The following DENND1B variants were observed in gnomAD, a reference collection of about 807,000 sequenced individuals.
DENND1B encodes the protein DENN domain containing 1B.
DENND1B carries 59 observed loss-of-function variants against 90.1 expected under a neutral mutation model. The ratio of observed to expected loss-of-function variants is 0.65; its 90% confidence interval spans 0.53 to 0.81. DENND1B has a LOEUF of 0.81. DENND1B is among the 40% of genes least tolerant of loss of function. The pLI is 0.00. For missense variants in DENND1B, 862 were observed against 912.6 expected (o/e 0.94, Z 0.71); for synonymous variants, 337 against 324.6 (o/e 1.04, Z -0.41).
upstream of DENND1B, among the ~76,000 whole-genome samples, chr1:197,777,302 C>T (rs1355752730): frequency 6.6e-6 from 1 of 152,140 alleles, no homozygotes; most frequent in African/African-American, 2.4e-5. Context: ...TTTTAAATGA[C>T]AGTCATACCC....
At chr1:197,743,004 T>A (rs1239407810) in intron 2 of DENND1B, among the ~76,000 whole-genome samples, 1 of 152,162 alleles carries the variant, frequency 6.6e-6, no homozygotes, top group East Asian at 1.9e-4. Flanking sequence ...AGGAGACAAT[T>A]CCAGGGGTCT....
At chr1:197,601,524 T>C (rs1317278595) in intron 13 of DENND1B, among the ~76,000 whole-genome samples, 1 of 145,064 alleles carries the variant, frequency 6.9e-6, no homozygotes, top group Non-Finnish European at 1.5e-5. Context: ...TTACCTTTTT[T>C]AGAAAAAAAA....
intron 11 of DENND1B, among the ~76,000 whole-genome samples, chr1:197,615,318 T>C (rs1462160771): frequency 6.6e-6 from 1 of 151,102 alleles, no homozygotes; most frequent in Non-Finnish European, 1.5e-5. Context: ...CAAGGCTTTA[T>C]TGGTGGACCA....
intron 15 of DENND1B, among the ~76,000 whole-genome samples, chr1:197,579,015 A>G (rs1673956651): frequency 6.6e-6 from 1 of 152,192 alleles, no homozygotes; most frequent in Non-Finnish European, 1.5e-5. Flanking sequence ...AGTGATTCAG[A>G]TAGGTCCACC....
At chr1:197,576,467 C>A (rs1221550618) in intron 15 of DENND1B, among the ~76,000 whole-genome samples, 1 of 152,074 alleles carries the variant, frequency 6.6e-6, no homozygotes, top group African/African-American at 2.4e-5. Context: ...ACCAAGAACA[C>A]AAAGCCAAAG....
chr1:197,555,751 C>T (rs1382490473), intron 15 of DENND1B, among the ~76,000 whole-genome samples: 14 of 151,982 alleles, frequency 9.2e-5, no homozygotes, highest in Non-Finnish European at 1.0e-4. Flanking sequence ...TATACACTGT[C>T]GGTGAGAGTG....
chr1:197,735,663 C>T (rs773581888), intron 2 of DENND1B: 11 of 1,613,900 alleles, frequency 6.8e-6, no homozygotes, highest in Middle Eastern at 1.6e-4. Context: ...CGGTTTCAGC[C>T]GGTACAAGGT....
chr1:197,695,318 G>C (rs1361990424), intron 3 of DENND1B, among the ~76,000 whole-genome samples: 1 of 150,802 alleles, frequency 6.6e-6, no homozygotes, highest in Non-Finnish European at 1.5e-5. Context: ...TATTGGTATA[G>C]TGGTTATACC....
intron 20 of DENND1B, among the ~76,000 whole-genome samples, chr1:197,524,236 T>C (rs1464551214): frequency 6.6e-6 from 1 of 152,136 alleles, no homozygotes; most frequent in African/African-American, 2.4e-5. Context: ...TAATTTTTTT[T>C]TGGTATGTTG....
intron 2 of DENND1B, among the ~76,000 whole-genome samples, chr1:197,726,482 C>T (rs1010549901): frequency 6.6e-6 from 1 of 152,152 alleles, no homozygotes; most frequent in Non-Finnish European, 1.5e-5. Context: ...ATACTTCAAA[C>T]AATGGGCTAA....
chr1:197,759,800 C>G (rs1429525877), intron 2 of DENND1B, among the ~76,000 whole-genome samples: 2 of 148,854 alleles, frequency 1.3e-5, no homozygotes, highest in Non-Finnish European at 1.5e-5. Context: ...TAGAGAGCAC[C>G]AGCTTATTCA....
In DENND1B at chr1:197,563,218, C is replaced by A. The variant is rs115175938; in HGVS notation, c.1150-10106G>T. On this transcript the variant is annotated intron_variant, in intron 15 of 22. Transcript: ENST00000620048. ...AACACATTTCCCAATGAGGATGAAA[C>A]AACCTTCTATTGGAAGAAGATATCA... 4.5e-3 allele frequency among the ~76,000 whole-genome samples: 679 copies of A among 152,066 alleles called. 4 individuals are homozygous for A. The highest frequency in any genetic ancestry group is 7.7e-3 in the Non-Finnish European group (521 of 67,930).
At chr1:197,530,793 A>G (rs1033906142) in intron 20 of DENND1B, among the ~76,000 whole-genome samples, 1 of 152,192 alleles carries the variant, frequency 6.6e-6, no homozygotes, top group Non-Finnish European at 1.5e-5. Context: ...TAATGCCTAT[A>G]GCATCCTGGG....
intron 15 of DENND1B, among the ~76,000 whole-genome samples, chr1:197,565,792 A>T (rs1357537709): frequency 6.6e-6 from 1 of 150,388 alleles, no homozygotes; most frequent in Non-Finnish European, 1.5e-5. Flanking sequence ...TTCCAATTTC[A>T]TCCATGTCCC....
intron 20 of DENND1B, among the ~76,000 whole-genome samples, chr1:197,536,252 T>C (rs574735590): frequency 6.6e-6 from 1 of 152,034 alleles, no homozygotes; most frequent in Non-Finnish European, 1.5e-5. Flanking sequence ...CATTTCCTAG[T>C]TCTAATCCTA....
intron 20 of DENND1B, 101 bp from the exon 21 acceptor site, chr1:197,513,054 C>T (rs2125594888): frequency 1.1e-6 from 1 of 876,564 alleles, no homozygotes; most frequent in South Asian, 1.8e-5. Flanking sequence ...AACACTTTTG[C>T]AAGAAATATG....
At chr1:197,778,754 C>T (rs1005854190), upstream of DENND1B, among the ~76,000 whole-genome samples, 3 of 151,118 alleles carry the variant, frequency 2.0e-5, no homozygotes, top group East Asian at 1.9e-4. Context: ...TTGTACTTCC[C>T]GTTTGTTTCT....
intron 2 of DENND1B, among the ~76,000 whole-genome samples, chr1:197,763,344 C>T (rs917737503): frequency 6.6e-6 from 1 of 152,188 alleles, no homozygotes; most frequent in African/African-American, 2.4e-5. Context: ...TGTAATTATA[C>T]TTCTTTTAAA....
At chr1:197,596,449 T>C (rs1369868002) in intron 13 of DENND1B, among the ~76,000 whole-genome samples, 1 of 152,020 alleles carries the variant, frequency 6.6e-6, no homozygotes, top group Non-Finnish European at 1.5e-5. Flanking sequence ...TGGAAACATA[T>C]TAAGTTGTGT....
Sources: allele counts gnomAD v4.1 joint callset (sites outside exome capture counted in the v4.1 genomes callset), GRCh38; gene constraint gnomAD v4.1.1; transcripts MANE v1.5; gene names NCBI Gene and HGNC (gene_info 2026-07-23, HGNC 2026-07-21).